MAPK4: variants seen among roughly 807,000 people sequenced by gnomAD.
The protein encoded by MAPK4 is Erk3-related.
MAPK4 carries 22 observed loss-of-function variants against 47.7 expected under a neutral mutation model. The observed-to-expected ratio is 0.46, with a 90% CI of 0.33 to 0.66. MAPK4 has a LOEUF of 0.66. Among genes scored for constraint, MAPK4 ranks in the 30% least tolerant of loss-of-function variants. The pLI, the probability that MAPK4 is intolerant of heterozygous loss-of-function variation, is 0.02. For missense variants in MAPK4, 736 were observed against 831.7 expected, an observed-to-expected ratio of 0.88 and a Z score of 1.42; for synonymous variants, 390 against 365.7, an observed-to-expected ratio of 1.07 and a Z score of -0.76.
intron 1 of MAPK4, among the ~76,000 whole-genome samples, chr18:50,581,472 G>A (rs1255542378): frequency 6.6e-6 from 1 of 152,162 alleles, no homozygotes; most frequent in African/African-American, 2.4e-5. Flanking sequence ...GAGCAGTTAC[G>A]GTACCTCTAC....
Position 50,715,212 on chromosome 18 carries a change from T to C in MAPK4, c.680T>C (p.Met227Thr), listed in dbSNP as rs1910577536. 6.2e-7 allele frequency: 1 copy of C among 1,613,662 alleles called. No individual in the cohort carries two copies. The highest frequency in any genetic ancestry group is 8.5e-7 in the Non-Finnish European group (1 of 1,179,936). Residue 227 changes from methionine (M) to threonine (T), a missense_variant, in exon 3 of 6, where the codon ATG becomes ACG. Coordinates refer to ENST00000400384, the MANE Select transcript of MAPK4 (RefSeq NM_002747.4). ...CTGGCTGAGATGCTTACGGGGAGAA[T>C]GCTCTTTGCTGGTGAGTTGCTAACT... ...CILAEMLTGR[M>T]LFAGAHELEQ... is the part of the protein sequence containing the mutation.
intron 1 of MAPK4, among the ~76,000 whole-genome samples, chr18:50,585,411 G>A (rs776200265): frequency 3.3e-5 from 5 of 152,124 alleles, no homozygotes; most frequent in Non-Finnish European, 7.4e-5. Context: ...GCCAGGTGGG[G>A]CCTCTACCTC....
chr18:50,653,806 A>G (rs1445289364), intron 1 of MAPK4, among the ~76,000 whole-genome samples: 2 of 152,236 alleles, frequency 1.3e-5, no homozygotes, highest in South Asian at 2.1e-4. Flanking sequence ...GAGGCCCTCA[A>G]TAAAGGCTAG....
intron 4 of MAPK4, 113 bp downstream of exon 4, chr18:50,722,212 A>C: frequency 8.2e-7 from 1 of 1,225,728 alleles, no homozygotes; most frequent in Non-Finnish European, 1.1e-6. Context: ...TGGTCCTTGG[A>C]TATAAAAGTC....
intron 1 of MAPK4, among the ~76,000 whole-genome samples, chr18:50,619,594 G>C (rs1192864883): frequency 1.3e-5 from 2 of 152,148 alleles, no homozygotes; most frequent in African/African-American, 4.8e-5. Context: ...CTCCCAAAGT[G>C]CTGGGATTAC....
Position 50,584,115 on chromosome 18 carries a change from A to G in MAPK4, c.-871+23872A>G, listed in dbSNP as rs139080244. ...AGGACTGATGCTTGCTGGGAGTTCA[A>G]CTGGGAGAGATTTCTGGATAAAAAC... On this transcript the variant is annotated intron_variant, in intron 1 of 5. Coordinates refer to ENST00000400384, the MANE Select transcript of MAPK4 (RefSeq NM_002747.4). 3.8e-3 allele frequency among the ~76,000 whole-genome samples: 578 copies of G among 152,262 alleles called. 1 individual carries two copies. Among genetic ancestry groups the G allele is most frequent in the African/African-American group, 0.013 (538 of 41,550 alleles).
At chr18:50,686,847 G>C (rs1236319632) in intron 2 of MAPK4, among the ~76,000 whole-genome samples, 1 of 152,212 alleles carries the variant, frequency 6.6e-6, no homozygotes, top group Non-Finnish European at 1.5e-5. Context: ...AGACCAAGGA[G>C]GCAAGAGCAG....
At chr18:50,560,035 C>G (rs1343475431), upstream of MAPK4, 3 of 148,118 alleles carry the variant, frequency 2.0e-5, no homozygotes, top group African/African-American at 4.9e-5. Flanking sequence ...CGGCTCTGGG[C>G]GGAGCCGAGG....
At chr18:50,574,773 G>A (rs2042280450) in intron 1 of MAPK4, among the ~76,000 whole-genome samples, 1 of 152,158 alleles carries the variant, frequency 6.6e-6, no homozygotes, top group Non-Finnish European at 1.5e-5. Context: ...ATAAACATCA[G>A]CATTTTCACA....
intron 2 of MAPK4, among the ~76,000 whole-genome samples, chr18:50,701,660 A>G (rs1230108880): frequency 6.6e-6 from 1 of 152,184 alleles, no homozygotes; most frequent in Non-Finnish European, 1.5e-5. Context: ...ACAACTCATA[A>G]CATGTGACTG....
At chr18:50,624,916 C>A (rs553623579) in intron 1 of MAPK4, among the ~76,000 whole-genome samples, 34 of 152,038 alleles carry the variant, frequency 2.2e-4, no homozygotes, top group South Asian at 1.3e-3. Context: ...CACCCAGCAG[C>A]AAGCTTAAAG....
intron 1 of MAPK4, among the ~76,000 whole-genome samples, chr18:50,635,794 G>T (rs1279720219): frequency 6.6e-6 from 1 of 152,100 alleles, no homozygotes; most frequent in East Asian, 1.9e-4. Context: ...TTATGGTCTA[G>T]TTCATAAGGT....
At chr18:50,657,177 C>A (rs769858872) in intron 1 of MAPK4, among the ~76,000 whole-genome samples, 1 of 152,226 alleles carries the variant, frequency 6.6e-6, no homozygotes, top group Non-Finnish European at 1.5e-5. Context: ...CCCCAGCAGG[C>A]TTTCCCTTAG....
chr18:50,643,581 G>A (rs1301101042), intron 1 of MAPK4, among the ~76,000 whole-genome samples: 1 of 152,190 alleles, frequency 6.6e-6, no homozygotes, highest in Admixed American at 6.5e-5. Context: ...TTCTTGTCCA[G>A]TGCGACTCAG....
At position 50,675,155 on chromosome 18, in the gene MAPK4, G is replaced by T. The variant is rs529713945; in HGVS notation, c.546+10651G>T. The stretch of plus-strand genomic sequence containing the variant: ...GAGAGTAACTTATCCAGGGTCACCT[G>T]CCTGGTCAATGGCAGCGTTGGACTG... On this transcript the variant is annotated intron_variant, in intron 2 of 5. Coordinates refer to ENST00000400384, the MANE Select transcript of MAPK4 (RefSeq NM_002747.4). Among the ~76,000 whole-genome samples, 3 of 152,282 alleles carry T rather than the reference G, an allele frequency of 2.0e-5. No homozygotes were observed. In the East Asian group the frequency reaches 5.8e-4, roughly 29 times the overall value.
At chr18:50,699,089 A>G (rs1909652204) in intron 2 of MAPK4, among the ~76,000 whole-genome samples, 6 of 152,194 alleles carry the variant, frequency 3.9e-5, no homozygotes. Context: ...TTAGAAATGC[A>G]AAGTTGGTTT....
intron 1 of MAPK4, among the ~76,000 whole-genome samples, chr18:50,576,978 C>A (rs1291195005): frequency 6.6e-6 from 1 of 152,096 alleles, no homozygotes; most frequent in Non-Finnish European, 1.5e-5. Context: ...ATAAGACAGA[C>A]CCTGCTCTCC....
chr18:50,569,990 G>T (rs1370869993), intron 1 of MAPK4, among the ~76,000 whole-genome samples: 2 of 152,170 alleles, frequency 1.3e-5, no homozygotes, highest in East Asian at 1.9e-4. Flanking sequence ...TAGCTTTTTG[G>T]TGCTTTTAGG....
At chr18:50,613,051 T>C (rs2042653810) in intron 1 of MAPK4, among the ~76,000 whole-genome samples, 1 of 152,150 alleles carries the variant, frequency 6.6e-6, no homozygotes, top group South Asian at 2.1e-4. Context: ...TACAGGACAT[T>C]AGAAAACACA....
Sources: gnomAD v4.1 joint callset for allele counts (sites outside exome capture counted in the v4.1 genomes callset) on GRCh38, gnomAD v4.1.1 for gene constraint, MANE v1.5 for transcripts, NCBI Gene and HGNC (gene_info 2026-07-23, HGNC 2026-07-21) for gene names.